CCDC122: variants seen among roughly 807,000 people sequenced by gnomAD.
The protein encoded by CCDC122 is coiled-coil domain-containing protein 122.
In CCDC122, 38 loss-of-function variants were observed where a neutral mutation model predicts 37.0. The observed-to-expected ratio is 1.03, with a 90% CI of 0.79 to 1.35. CCDC122 has a LOEUF of 1.35. CCDC122 is among the 40% of genes most tolerant of loss of function. The probability of loss-of-function intolerance (pLI) is 0.00; values close to 1 mark genes in which losing one functional copy is unlikely to be tolerated. For synonymous variants in CCDC122, 83 were observed against 95.6 expected, an observed-to-expected ratio of 0.87 and a Z score of 0.77; for missense variants, 305 against 310.0, an observed-to-expected ratio of 0.98 and a Z score of 0.12.
chr13:43,820,820 C>CTG (rs1486138285), downstream of CCDC122, among the ~76,000 whole-genome samples: 2 of 152,200 alleles, frequency 1.3e-5, no homozygotes, highest in Non-Finnish European at 2.9e-5. Context: ...TATAGTGTTG[C>CTG]TGTGGCTCAC....
intron 6 of CCDC122, among the ~76,000 whole-genome samples, chr13:43,838,642 G>A (rs1953243440): frequency 6.6e-6 from 1 of 152,142 alleles, no homozygotes; most frequent in Non-Finnish European, 1.5e-5. Flanking sequence ...ATTGACACAA[G>A]GCTGAGCAAG....
Position 43,859,980 on chromosome 13 carries a change from T to C in CCDC122, c.247A>G (p.Ile83Val). The C allele has an allele frequency of 1.3e-6, 2 of 1,599,182 alleles. No homozygotes were observed. Among genetic ancestry groups the C allele is most frequent in the Non-Finnish European group, 1.7e-6 (2 of 1,172,944 alleles). Residue 83 changes from isoleucine (I) to valine (V), a missense_variant, in exon 5 of 7, where the codon ATA (isoleucine) becomes GTA (valine). Coordinates refer to ENST00000444614, the MANE Select transcript of CCDC122 (RefSeq NM_144974.5). ...TCACAATGAAGTTTGGTATTCTCTA[T>C]GGCAGAATCTTGTTGATAAATTTGT... ...ERQIYQQDSA[I>V]ENTKLHCDSL...
intron 6 of CCDC122, among the ~76,000 whole-genome samples, chr13:43,849,628 GC>G (rs1222633042): frequency 6.6e-6 from 1 of 152,154 alleles, no homozygotes; most frequent in Non-Finnish European, 1.5e-5. Flanking sequence ...GTTCTATCTA[GC>G]CAAAAGATAA....
chr13:43,854,398 G>A (rs960015995), intron 6 of CCDC122: 1 of 151,946 alleles, frequency 6.6e-6, no homozygotes, highest in African/African-American at 2.4e-5. Flanking sequence ...AATTCCTGGA[G>A]ACATACACCC....
At chr13:43,841,143 G>C (rs1953336508) in intron 6 of CCDC122, among the ~76,000 whole-genome samples, 2 of 152,316 alleles carry the variant, frequency 1.3e-5, no homozygotes, top group East Asian at 3.9e-4. Flanking sequence ...AGGGATATTT[G>C]TGATGTTTCT....
At chr13:43,839,426 A>G (rs1953271912) in intron 6 of CCDC122, among the ~76,000 whole-genome samples, 1 of 152,188 alleles carries the variant, frequency 6.6e-6, no homozygotes, top group African/African-American at 2.4e-5. Flanking sequence ...ACAGAACTTA[A>G]TTACTTTGTA....
At chr13:43,823,644 C>A (rs1219820119), downstream of CCDC122, among the ~76,000 whole-genome samples, 1 of 152,194 alleles carries the variant, frequency 6.6e-6, no homozygotes, top group Non-Finnish European at 1.5e-5. Flanking sequence ...TGGGTGAATC[C>A]CCTCTGGCTA....
intron 6 of CCDC122, 38 bp from the exon 7 acceptor site, chr13:43,837,467 A>C: frequency 6.4e-7 from 1 of 1,561,608 alleles, no homozygotes; most frequent in Non-Finnish European, 8.7e-7. Flanking sequence ...GGGCTTGTGA[A>C]GTATAAATAG....
intron 4 of CCDC122, among the ~76,000 whole-genome samples, chr13:43,867,545 G>A (rs1420608495): frequency 6.6e-6 from 1 of 152,008 alleles, no homozygotes; most frequent in Non-Finnish European, 1.5e-5. Context: ...AATCTGTGTT[G>A]TGTTCATGCC....
intron 6 of CCDC122, among the ~76,000 whole-genome samples, chr13:43,847,693 A>C (rs1355853980): frequency 6.6e-6 from 1 of 152,200 alleles, no homozygotes. Context: ...GAGAATAATT[A>C]GTTACTATAT....
At position 43,837,336 on chromosome 13, in the gene CCDC122, G is replaced by C. The variant is rs759735078; in HGVS notation, c.766C>G (p.Gln256Glu). 42 of 1,613,690 alleles carry C rather than the reference G, an allele frequency of 2.6e-5. No individual in the cohort carries two copies. The highest frequency in any genetic ancestry group is 6.8e-6 in the Non-Finnish European group (8 of 1,179,944). Reference protein sequence around the residue: ...SNRRQWQWNIQQLEKTAAELR... With the variant: ...SNRRQWQWNIEQLEKTAAELR... ...TCGGCTGCAGTTTTTTCCAATTGTT[G>C]AATGTTCCATTGCCACTGTCGTCTA... The change falls in exon 7 of 7, where the codon CAA becomes GAA. Residue 256 changes from glutamine (Q) to glutamate (E), a missense_variant. Coordinates refer to ENST00000444614, the MANE Select transcript of CCDC122 (RefSeq NM_144974.5).
intron 2 of CCDC122, among the ~76,000 whole-genome samples, chr13:43,872,359 A>G (rs1954479272): frequency 6.6e-6 from 1 of 152,138 alleles, no homozygotes; most frequent in African/African-American, 2.4e-5. Context: ...GTAGCTGAAT[A>G]TGCTTAAAGA....
At chr13:43,826,202 T>G (rs1953039334) in intron 3 of CCDC122, among the ~76,000 whole-genome samples, 1 of 152,192 alleles carries the variant, frequency 6.6e-6, no homozygotes, top group African/African-American at 2.4e-5. Flanking sequence ...CCTTTCATTT[T>G]TTTCTTCACT....
chr13:43,840,443 T>C (rs570400864), intron 6 of CCDC122, among the ~76,000 whole-genome samples: 8 of 152,170 alleles, frequency 5.3e-5, no homozygotes, highest in Non-Finnish European at 1.0e-4. Context: ...GTTTGTTACA[T>C]ATGTATACAT....
intron 3 of CCDC122, chr13:43,824,160 A>G (rs1171476394): frequency 1.3e-5 from 2 of 152,252 alleles, no homozygotes; most frequent in African/African-American, 4.8e-5. Context: ...TGAAAAGCAC[A>G]TGTAAACTGA....
intron 2 of CCDC122, among the ~76,000 whole-genome samples, chr13:43,872,186 A>G (rs182058485): frequency 6.6e-6 from 1 of 152,006 alleles, no homozygotes; most frequent in Admixed American, 6.6e-5. Flanking sequence ...AAGACTTCCA[A>G]TCCATCGACT....
At chr13:43,857,669 G>C (rs113968650) in intron 6 of CCDC122, among the ~76,000 whole-genome samples, 103 of 152,158 alleles carry the variant, frequency 6.8e-4, no homozygotes, top group African/African-American at 2.4e-3. Context: ...TTGGGAGGCC[G>C]AGGCAGGCGG....
downstream of CCDC122, among the ~76,000 whole-genome samples, chr13:43,823,011 G>A (rs1377979105): frequency 6.6e-6 from 1 of 152,118 alleles, no homozygotes; most frequent in African/African-American, 2.4e-5. Flanking sequence ...TCAAACAGAA[G>A]GAGTCTTTTG....
Position 43,824,371 on chromosome 13 carries a change from G to A in CCDC122, n.602-360C>T, listed in dbSNP as rs542471593. ...ATGCCACATAAGTTGTGATAGAAAC[G>A]GAACTCCTACCTTTCACTACATACA... On this transcript the variant is annotated intron_variant and non_coding_transcript_variant, in intron 3 of 3. Coordinates refer to the CCDC122 transcript ENST00000470137. Among the ~76,000 whole-genome samples the A allele has an allele frequency of 2.6e-5, 4 of 152,250 alleles. No homozygotes were observed. The South Asian group carries it at 6.2e-4, about 24-fold the overall frequency.
Sources: allele counts gnomAD v4.1 joint callset (sites outside exome capture counted in the v4.1 genomes callset), GRCh38; gene constraint gnomAD v4.1.1; transcripts MANE v1.5; gene names NCBI Gene and HGNC (gene_info 2026-07-23, HGNC 2026-07-21).